BMPER: variants seen among roughly 807,000 people sequenced by gnomAD.
BMPER encodes the protein BMP binding endothelial regulator.
BMPER carries 45 observed loss-of-function variants against 87.3 expected under a neutral mutation model. The ratio of observed to expected loss-of-function variants is 0.52; its 90% CI spans 0.41 to 0.66. The LOEUF (loss-of-function observed/expected upper bound fraction) is 0.66. BMPER is among the 30% of genes least tolerant of loss of function. The probability of loss-of-function intolerance (pLI) is 0.00; values close to 1 mark genes in which losing one functional copy is unlikely to be tolerated. For synonymous variants in BMPER, 326 were observed against 316.2 expected, an observed-to-expected ratio of 1.03 and a Z score of -0.33; for missense variants, 784 against 867.5, an observed-to-expected ratio of 0.90 and a Z score of 1.21.
chr7:33,996,799 C>T (rs892506216), intron 6 of BMPER, among the ~76,000 whole-genome samples: 1 of 152,072 alleles, frequency 6.6e-6, no homozygotes, highest in African/African-American at 2.4e-5. Flanking sequence ...CCCATATATC[C>T]AAAATATTAT....
intron 6 of BMPER, among the ~76,000 whole-genome samples, chr7:34,038,813 A>G (rs763083402): frequency 2.0e-5 from 3 of 152,192 alleles, no homozygotes; most frequent in Non-Finnish European, 4.4e-5. Flanking sequence ...ATATCTATGT[A>G]TAGAATCAGA....
At chr7:34,098,898 AG>A (rs1789604906) in intron 13 of BMPER, among the ~76,000 whole-genome samples, 1 of 152,232 alleles carries the variant, frequency 6.6e-6, no homozygotes, top group Non-Finnish European at 1.5e-5. Context: ...AGAGAATAAA[AG>A]ATCAGATGTC....
At chr7:34,133,669 C>A (rs1285528137) in intron 13 of BMPER, among the ~76,000 whole-genome samples, 1 of 152,118 alleles carries the variant, frequency 6.6e-6, no homozygotes, top group Non-Finnish European at 1.5e-5. Context: ...TGATTGATAT[C>A]TAAAGTGGGG....
intron 6 of BMPER, among the ~76,000 whole-genome samples, chr7:34,010,328 T>A (rs908223539): frequency 2.0e-5 from 3 of 151,964 alleles, no homozygotes; most frequent in Non-Finnish European, 4.4e-5. Context: ...TTTTTAGGAG[T>A]GTAGATGAGA....
At chr7:33,986,345 G>A (rs1330398309) in intron 6 of BMPER, among the ~76,000 whole-genome samples, 1 of 152,170 alleles carries the variant, frequency 6.6e-6, no homozygotes, top group African/African-American at 2.4e-5. Flanking sequence ...TAAAGTCCTA[G>A]TAGACAGGGA....
intron 3 of BMPER, among the ~76,000 whole-genome samples, chr7:33,946,075 A>C (rs1401638003): frequency 6.6e-6 from 1 of 152,192 alleles, no homozygotes; most frequent in Non-Finnish European, 1.5e-5. Context: ...TAGTTGATTC[A>C]ACATGGCTAG....
chr7:34,000,151 T>G (rs1585723770), intron 6 of BMPER, among the ~76,000 whole-genome samples: 1 of 152,110 alleles, frequency 6.6e-6, no homozygotes, highest in South Asian at 2.1e-4. Flanking sequence ...AAAAGAAGGG[T>G]TAGGAACAGT....
rs1422061600 is a variant in BMPER, at chr7:34,155,129, A to C, written c.*1856A>C. On this transcript the variant is annotated 3_prime_UTR_variant, in exon 15 of 15. Transcript: ENST00000649409. The stretch of plus-strand genomic sequence containing the variant: ...CTTTGGGCAGTAATGGGAGGCACTG[A>C]GGGTTTGCAAATACTTTCCTACTTG... 6.6e-6 allele frequency: 1 copy of C among 152,220 alleles called. No individual in the cohort carries two copies. Among genetic ancestry groups the C allele is most frequent in the Admixed American group, 6.5e-5 (1 of 15,284 alleles). The allele number at this position is 152,220 out of a possible 1,614,324, so 9.4% of individuals were successfully genotyped here.
At chr7:34,001,585 G>A (rs1211424443) in intron 6 of BMPER, among the ~76,000 whole-genome samples, 1 of 144,258 alleles carries the variant, frequency 6.9e-6, no homozygotes, top group Admixed American at 6.9e-5. Context: ...TTTCTGTTCA[G>A]TCTAGTTAAT....
chr7:33,966,475 C>A lies in BMPER; in HGVS notation c.320-4C>A. The A allele has an allele frequency of 6.2e-7, 1 of 1,612,872 alleles. No homozygotes were observed. The highest frequency in any genetic ancestry group is 2.2e-5 in the East Asian group (1 of 44,854). ...TTCTTCCTGCTTCTGTGTCTCCTGT[C>A]TAGGTTGCACCTATGAAGGAAATAC... On this transcript the variant is annotated splice_polypyrimidine_tract_variant and splice_region_variant and intron_variant, in intron 3 of 14. Transcript: ENST00000649409.
At chr7:34,070,400 C>T (rs1282138505) in intron 11 of BMPER, among the ~76,000 whole-genome samples, 1 of 152,166 alleles carries the variant, frequency 6.6e-6, no homozygotes, top group Non-Finnish European at 1.5e-5. Flanking sequence ...AATCAATCAT[C>T]AGGTTTGCTT....
At chr7:33,991,307 C>G (rs1342800528) in intron 6 of BMPER, among the ~76,000 whole-genome samples, 3 of 152,004 alleles carry the variant, frequency 2.0e-5, no homozygotes, top group Admixed American at 6.6e-5. Flanking sequence ...TGTTATTGGT[C>G]TATTCAGAGA....
intron 6 of BMPER, among the ~76,000 whole-genome samples, chr7:34,021,040 C>G (rs1198483336): frequency 6.6e-6 from 1 of 152,010 alleles, no homozygotes; most frequent in Admixed American, 6.6e-5. Context: ...GGAGGAGATG[C>G]TTCGCAAACC....
chr7:34,035,024 G>C (rs1787626467), intron 6 of BMPER, among the ~76,000 whole-genome samples: 1 of 152,140 alleles, frequency 6.6e-6, no homozygotes. Flanking sequence ...GTTTTTCTTT[G>C]ATCATATATG....
At chr7:33,910,345 C>T (rs371730383) in intron 2 of BMPER, among the ~76,000 whole-genome samples, 1 of 152,308 alleles carries the variant, frequency 6.6e-6, no homozygotes, top group East Asian at 1.9e-4. Flanking sequence ...CCCTGGAGTA[C>T]AGCTGAGAAG....
chr7:33,984,014 A>C (rs1435432252), intron 6 of BMPER, among the ~76,000 whole-genome samples: 1 of 152,220 alleles, frequency 6.6e-6, no homozygotes, highest in African/African-American at 2.4e-5. Flanking sequence ...TGCCAGTGTG[A>C]ATGAAGAACA....
At chr7:33,912,030 C>G (rs1049275634) in intron 2 of BMPER, among the ~76,000 whole-genome samples, 3 of 152,178 alleles carry the variant, frequency 2.0e-5, no homozygotes, top group African/African-American at 7.2e-5. Flanking sequence ...TTGGACTGGG[C>G]TGATCTAGGC....
chr7:34,102,313 G>A (rs976455369), intron 13 of BMPER, among the ~76,000 whole-genome samples: 1 of 152,168 alleles, frequency 6.6e-6, no homozygotes, highest in Non-Finnish European at 1.5e-5. Context: ...TCTGATTGGG[G>A]CTGTCGCCAT....
intron 3 of BMPER, 193 bp downstream of exon 3, chr7:33,937,581 AG>A: frequency 1.6e-6 from 1 of 612,522 alleles, no homozygotes; most frequent in Non-Finnish European, 2.9e-6. Flanking sequence ...GCTGGAAGGA[AG>A]GGGGCTCTCC....
Sources: gnomAD v4.1 joint callset for allele counts (sites outside exome capture counted in the v4.1 genomes callset) on GRCh38, gnomAD v4.1.1 for gene constraint, MANE v1.5 for transcripts, NCBI Gene and HGNC (gene_info 2026-07-23, HGNC 2026-07-21) for gene names.